Variants in ZEB2 observed in about 807,000 individuals in gnomAD.
The protein encoded by ZEB2 is zinc finger E-box-binding homeobox 2.
In ZEB2, 6 loss-of-function variants were observed where a neutral mutation model predicts 99.9. The ratio of observed to expected loss-of-function variants is 0.06; its 90% CI spans 0.03 to 0.12. The LOEUF (loss-of-function observed/expected upper bound fraction) is 0.12. ZEB2 is among the 10% of genes least tolerant of loss of function. The probability of loss-of-function intolerance (pLI) is 1.00; values close to 1 mark genes in which losing one functional copy is unlikely to be tolerated. For missense variants in ZEB2, 969 were observed against 1,502.8 expected, an observed-to-expected ratio of 0.64 and a Z score of 5.87; for synonymous variants, 517 against 542.5, an observed-to-expected ratio of 0.95 and a Z score of 0.65.
At position 144,404,096 on chromosome 2, in the gene ZEB2, T is replaced by A. The variant is rs1044810482; in HGVS notation, c.627A>T (p.Gln209His). ...GGTCGCAGTAGGGGCAGGTCAGCAGTTGGGCAAAAGCATCTGGAGTTCCAG... is the reference window on the plus strand; with the variant it reads ...GGTCGCAGTAGGGGCAGGTCAGCAGATGGGCAAAAGCATCTGGAGTTCCAG... ...LPPGTPDAFA[Q>H]LLTCPYCDRG... The change falls in exon 6 of 10, where the codon CAA becomes CAT. Residue 209 changes from glutamine (Q) to histidine (H), a missense_variant. Around this residue, in one of 8 missense-constraint regions of ZEB2, gnomAD observed 65 missense variants for 147.7 expected, o/e 0.44. Transcript: ENST00000627532. The A allele has an allele frequency of 1.2e-6, 2 of 1,614,038 alleles. No homozygotes were observed. Among genetic ancestry groups the A allele is most frequent in the South Asian group, 1.1e-5 (1 of 91,070 alleles).
intron 2 of ZEB2, among the ~76,000 whole-genome samples, chr2:144,435,250 G>A (rs1240556385): frequency 5.9e-5 from 9 of 152,206 alleles, no homozygotes; most frequent in East Asian, 3.9e-4. Flanking sequence ...CAGCTTAGAC[G>A]TGACACAGAC....
At chr2:144,397,347 T>C (rs1703243343) in intron 8 of ZEB2, among the ~76,000 whole-genome samples, 1 of 152,202 alleles carries the variant, frequency 6.6e-6, no homozygotes, top group Non-Finnish European at 1.5e-5. Flanking sequence ...TTAAATACAT[T>C]TACAAAGAGG....
chr2:144,456,432 C>A (rs1267297597), intron 2 of ZEB2, among the ~76,000 whole-genome samples: 1 of 151,806 alleles, frequency 6.6e-6, no homozygotes, highest in Non-Finnish European at 1.5e-5. Context: ...TTTTTGGATT[C>A]TTTCATTTCA....
chr2:144,480,781 T>C (rs1213625136), intron 2 of ZEB2, among the ~76,000 whole-genome samples: 5 of 152,102 alleles, frequency 3.3e-5, no homozygotes, highest in African/African-American at 1.2e-4. Context: ...CCAAAGCTAT[T>C]TGGCTAGTTT....
chr2:144,424,807 T>C lies in ZEB2; in HGVS notation c.392A>G (p.Asn131Ser). The C allele has an allele frequency of 1.9e-6, 3 of 1,614,080 alleles. No individual in the cohort carries two copies. The highest frequency in any genetic ancestry group is 2.7e-5 in the African/African-American group (2 of 75,046). ...GPEATIQTAINNGTVKNANCT... is the reference protein window; with the variant it reads ...GPEATIQTAISNGTVKNANCT... ...CCAACATAACTCACCTGTACCATTG[T>C]TAATTGCGGTCTGGATCGTGGCTTC... Residue 131 changes from asparagine to serine, a missense_variant, in exon 4 of 10, where the codon AAC (asparagine) becomes AGC (serine). By Grantham distance (46) the Asn-to-Ser change is conservative. This residue lies in a region of ZEB2 where 173 missense variants were observed against 217.7 expected (regional missense o/e 0.79). Transcript: ENST00000627532.
At chr2:144,393,322 A>C (rs1465460965) in intron 9 of ZEB2, among the ~76,000 whole-genome samples, 1 of 152,218 alleles carries the variant, frequency 6.6e-6, no homozygotes, top group Non-Finnish European at 1.5e-5. Context: ...GAGGCAAAAA[A>C]AGCACTGGGT....
At chr2:144,513,994 C>T in intron 2 of ZEB2, 1 of 961,226 alleles carries the variant, frequency 1.0e-6, no homozygotes, top group East Asian at 2.8e-5. Flanking sequence ...CACCCCACTC[C>T]CTCTTTCCTC....
chr2:144,487,544 T>C (rs914504406), intron 2 of ZEB2, among the ~76,000 whole-genome samples: 5 of 152,190 alleles, frequency 3.3e-5, no homozygotes, highest in Non-Finnish European at 7.4e-5. Context: ...AACTTATTCA[T>C]ACTAAAAGGA....
At chr2:144,414,512 T>C (rs955555033) in intron 4 of ZEB2, among the ~76,000 whole-genome samples, 3 of 151,826 alleles carry the variant, frequency 2.0e-5, no homozygotes, top group Admixed American at 6.6e-5. Context: ...TGACGGCTAG[T>C]GCGGTCCAGT....
At chr2:144,519,560 GA>G (rs1300989336) in intron 1 of ZEB2, 1 of 175,342 alleles carries the variant, frequency 5.7e-6, no homozygotes, top group Non-Finnish European at 1.2e-5. Context: ...AACTAGATGC[GA>G]AAATAGAGCA....
chr2:144,468,290 G>A (rs1489323277), intron 2 of ZEB2, among the ~76,000 whole-genome samples: 1 of 152,142 alleles, frequency 6.6e-6, no homozygotes, highest in Non-Finnish European at 1.5e-5. Flanking sequence ...CCTGTTTTGA[G>A]TGTCCCATCC....
In ZEB2 at chr2:144,400,021, T is replaced by G. The variant is rs1703289652; in HGVS notation, c.1166A>C (p.Lys389Thr). The change falls in exon 8 of 10, where the codon AAA becomes ACA. Residue 389 changes from lysine (K) to threonine (T), a missense_variant. Coordinates refer to ENST00000627532, the MANE Select transcript of ZEB2 (RefSeq NM_014795.4). ...GAAGTCTAGTGGTTCTGTTTTAATT[T>G]TAAGTAAGCCTGTCTGTTCAGACAT... ...LSMSEQTGLL[K>T]IKTEPLDFND... The G allele has an allele frequency of 6.2e-7, 1 of 1,614,114 alleles. No individual in the cohort carries two copies. Among genetic ancestry groups the G allele is most frequent in the African/African-American group, 1.3e-5 (1 of 74,944 alleles).
At chr2:144,500,502 G>A (rs547595577) in intron 2 of ZEB2, among the ~76,000 whole-genome samples, 18 of 152,240 alleles carry the variant, frequency 1.2e-4, no homozygotes, top group African/African-American at 3.6e-4. Flanking sequence ...TTGCTGCGGC[G>A]TATATTTTGG....
At chr2:144,403,394 A>G (rs1294200786) in intron 6 of ZEB2, among the ~76,000 whole-genome samples, 1 of 152,054 alleles carries the variant, frequency 6.6e-6, no homozygotes, top group African/African-American at 2.4e-5. Flanking sequence ...ATACACAGAT[A>G]ATATATGCCT....
chr2:144,510,718 T>TCTCTC (rs1705022052), intron 2 of ZEB2, among the ~76,000 whole-genome samples: 2 of 114,006 alleles, frequency 1.8e-5, no homozygotes, highest in African/African-American at 3.3e-5. Flanking sequence ...CTCTCTCTCT[T>TCTCTC]TCTCTCTCTC....
At chr2:144,454,394 T>C (rs1353371389) in intron 2 of ZEB2, among the ~76,000 whole-genome samples, 1 of 152,228 alleles carries the variant, frequency 6.6e-6, no homozygotes, top group Non-Finnish European at 1.5e-5. Flanking sequence ...GTAGTCACTA[T>C]TAAGATTCCA....
intron 2 of ZEB2, among the ~76,000 whole-genome samples, chr2:144,464,683 CA>C (rs1164942468): frequency 6.6e-6 from 1 of 152,112 alleles, no homozygotes; most frequent in Non-Finnish European, 1.5e-5. Context: ...GCAAATGTGT[CA>C]GCAAAACTCA....
At chr2:144,445,897 A>T (rs1195604795) in intron 2 of ZEB2, among the ~76,000 whole-genome samples, 1 of 152,218 alleles carries the variant, frequency 6.6e-6, no homozygotes, top group African/African-American at 2.4e-5. Flanking sequence ...CAATGGTTTC[A>T]GTCTCAGACA....
intron 4 of ZEB2, among the ~76,000 whole-genome samples, chr2:144,415,022 T>A (rs1703521681): frequency 6.6e-6 from 1 of 151,492 alleles, no homozygotes; most frequent in African/African-American, 2.4e-5. Flanking sequence ...TTTTTAAATG[T>A]CCCCATTCCT....
Sources: gnomAD v4.1 joint callset for allele counts (sites outside exome capture counted in the v4.1 genomes callset) on GRCh38, gnomAD v4.1.1 for gene constraint, gnomAD v4.1.1 regional missense constraint, MANE v1.5 for transcripts, NCBI Gene and HGNC (gene_info 2026-07-23, HGNC 2026-07-21) for gene names.